The following ULK4 variants were observed in gnomAD, a reference collection of about 807,000 sequenced individuals.
ULK4 encodes the protein unc-51 like kinase 4.
A neutral mutation model predicts 160.6 loss-of-function variants in ULK4; 133 were observed. The observed-to-expected ratio is 0.83, with a 90% CI of 0.72 to 0.96. The LOEUF (loss-of-function observed/expected upper bound fraction) is 0.96. Among genes scored for constraint, ULK4 ranks in the 40% least tolerant of loss-of-function variants. The pLI, the probability that ULK4 is intolerant of heterozygous loss-of-function variation, is 0.00. For missense variants in ULK4, 1,580 were observed against 1,499.5 expected, an observed-to-expected ratio of 1.05 and a Z score of -0.89; for synonymous variants, 534 against 539.8, an observed-to-expected ratio of 0.99 and a Z score of 0.15.
At chr3:41,386,194 T>A (rs1412249863) in intron 35 of ULK4, among the ~76,000 whole-genome samples, 1 of 152,190 alleles carries the variant, frequency 6.6e-6, no homozygotes, top group East Asian at 1.9e-4. Flanking sequence ...TTAGCTATTA[T>A]CTCAATATTG....
intron 30 of ULK4, among the ~76,000 whole-genome samples, chr3:41,660,353 A>G (rs997687537): frequency 6.6e-6 from 1 of 152,154 alleles, no homozygotes; most frequent in African/African-American, 2.4e-5. Context: ...TTGCATTTGG[A>G]TACATAATGA....
intron 30 of ULK4, among the ~76,000 whole-genome samples, chr3:41,637,741 T>G (rs1418064123): frequency 6.6e-6 from 1 of 152,182 alleles, no homozygotes; most frequent in Non-Finnish European, 1.5e-5. Context: ...TTCTAACAGG[T>G]GTGAAGTGAT....
chr3:41,711,059 A>AC (rs1284978500), intron 25 of ULK4, among the ~76,000 whole-genome samples: 1 of 152,186 alleles, frequency 6.6e-6, no homozygotes, highest in Non-Finnish European at 1.5e-5. Context: ...GGGAAGACAG[A>AC]CAAGCTCTTG....
chr3:41,408,123 G>T (rs965810715), intron 34 of ULK4, among the ~76,000 whole-genome samples: 5 of 146,356 alleles, frequency 3.4e-5, no homozygotes, highest in African/African-American at 7.8e-5. Flanking sequence ...AGGAATAAAA[G>T]TAGCAAAAAA....
intron 30 of ULK4, among the ~76,000 whole-genome samples, chr3:41,633,363 A>AT (rs145603227): frequency 0.26 from 39,116 of 152,042 alleles, 5,162 homozygotes; most frequent in Admixed American, 0.28. Flanking sequence ...CATTAGTAAA[A>AT]TTTTTTTGGA....
intron 4 of ULK4, among the ~76,000 whole-genome samples, chr3:41,932,948 G>A (rs953130492): frequency 1.3e-5 from 2 of 152,204 alleles, no homozygotes; most frequent in African/African-American, 4.8e-5. Context: ...GGAGGCTGAG[G>A]CACGAGAATC....
chr3:41,880,770 A>G (rs1369907658), intron 17 of ULK4, among the ~76,000 whole-genome samples: 4 of 152,130 alleles, frequency 2.6e-5, no homozygotes, highest in African/African-American at 9.7e-5. Flanking sequence ...CTAAAAATAC[A>G]AAACTTAGCA....
chr3:41,333,600 C>T (rs2080492131), intron 35 of ULK4, among the ~76,000 whole-genome samples: 1 of 152,098 alleles, frequency 6.6e-6, no homozygotes, highest in Admixed American at 6.6e-5. Context: ...GTAGTGCCAC[C>T]TTGTGACAAG....
chr3:41,274,552 C>G (rs1479843366), intron 35 of ULK4, among the ~76,000 whole-genome samples: 1 of 152,192 alleles, frequency 6.6e-6, no homozygotes, highest in Non-Finnish European at 1.5e-5. Flanking sequence ...TAGGGACAGA[C>G]TCATGGATTT....
intron 35 of ULK4, among the ~76,000 whole-genome samples, chr3:41,354,038 T>C (rs911591774): frequency 3.3e-5 from 5 of 152,180 alleles, no homozygotes; most frequent in African/African-American, 1.2e-4. Flanking sequence ...GCCCTCTGCA[T>C]GCAGCTGGCA....
At chr3:41,409,187 C>T (rs543742784) in intron 34 of ULK4, among the ~76,000 whole-genome samples, 7 of 152,128 alleles carry the variant, frequency 4.6e-5, no homozygotes, top group Admixed American at 1.3e-4. Context: ...GCCCAGGAGG[C>T]GGAGGTTGCA....
At chr3:41,961,550 A>ACCCCTCCCCTCCCCCCCCC (rs57463009) in intron 1 of ULK4, among the ~76,000 whole-genome samples, 1 of 124,692 alleles carries the variant, frequency 8.0e-6, no homozygotes. Context: ...GTAGTCACTC[A>ACCCCTCCCCTCCCCCCCCC]CCCCCCCCCC....
intron 35 of ULK4, among the ~76,000 whole-genome samples, chr3:41,251,587 A>T (rs1188525644): frequency 6.6e-6 from 1 of 152,204 alleles, no homozygotes; most frequent in Non-Finnish European, 1.5e-5. Flanking sequence ...TGAGGAATAG[A>T]GAAGGGAAAT....
At chr3:41,669,789 T>C (rs1004517702) in intron 29 of ULK4, among the ~76,000 whole-genome samples, 1 of 150,740 alleles carries the variant, frequency 6.6e-6, no homozygotes, top group Non-Finnish European at 1.5e-5. Flanking sequence ...CAGCCAGTAA[T>C]ATAGTGTTAT....
intron 32 of ULK4, among the ~76,000 whole-genome samples, chr3:41,498,085 C>T (rs1373203378): frequency 6.6e-6 from 1 of 152,132 alleles, no homozygotes; most frequent in East Asian, 1.9e-4. Context: ...CCTATAGCCA[C>T]AACTCCAGAA....
chr3:41,575,927 A>C (rs1422167321), intron 31 of ULK4, among the ~76,000 whole-genome samples: 1 of 152,224 alleles, frequency 6.6e-6, no homozygotes. Flanking sequence ...AGTGGGCCAG[A>C]GCCAAAGCTG....
intron 32 of ULK4, among the ~76,000 whole-genome samples, chr3:41,544,398 A>C (rs2086791920): frequency 1.3e-5 from 2 of 152,178 alleles, no homozygotes; most frequent in African/African-American, 4.8e-5. Context: ...CATGCCTCCA[A>C]AATTTAGGCA....
At chr3:41,523,807 T>G (rs913214575) in intron 32 of ULK4, among the ~76,000 whole-genome samples, 8 of 152,022 alleles carry the variant, frequency 5.3e-5, no homozygotes, top group Admixed American at 5.2e-4. Flanking sequence ...TGAAAACATA[T>G]CAACACAAAA....
chr3:41,356,207 A>G (rs1183959357), intron 35 of ULK4, among the ~76,000 whole-genome samples: 1 of 152,132 alleles, frequency 6.6e-6, no homozygotes, highest in South Asian at 2.1e-4. Flanking sequence ...ACATGCTTCT[A>G]TAAAGGACAG....
Sources: gnomAD v4.1 joint callset for allele counts (sites outside exome capture counted in the v4.1 genomes callset) on GRCh38, gnomAD v4.1.1 for gene constraint, MANE v1.5 for transcripts, NCBI Gene and HGNC (gene_info 2026-07-23, HGNC 2026-07-21) for gene names.